Variants in LRRK1 observed in about 807,000 individuals in gnomAD.
The protein encoded by LRRK1 is leucine rich repeat kinase 1, also known as leucine-rich repeat serine/threonine-protein kinase 1.
In LRRK1, 113 loss-of-function variants were observed where a neutral mutation model predicts 209.1. The ratio of observed to expected loss-of-function variants is 0.54; its 90% CI spans 0.46 to 0.63. The LOEUF (loss-of-function observed/expected upper bound fraction) is 0.63, where lower values mean the gene tolerates loss of function less well. Among genes scored for constraint, LRRK1 ranks in the 30% least tolerant of loss-of-function variants. The pLI, the probability that LRRK1 is intolerant of heterozygous loss-of-function variation, is 0.00. For missense variants in LRRK1, 2,284 were observed against 2,632.2 expected (o/e 0.87, Z 2.89); for synonymous variants, 1,144 against 1,099.7 (o/e 1.04, Z -0.80).
chr15:100,975,134 G>A (rs934320703), intron 3 of LRRK1, among the ~76,000 whole-genome samples: 2 of 152,260 alleles, frequency 1.3e-5, no homozygotes, highest in African/African-American at 2.4e-5. Flanking sequence ...CTTCTGCACA[G>A]AGAGAGCTGC....
chr15:101,031,681 T>C (rs1398472073), intron 20 of LRRK1, among the ~76,000 whole-genome samples: 2 of 151,902 alleles, frequency 1.3e-5, no homozygotes, highest in Non-Finnish European at 2.9e-5. Flanking sequence ...CACCAGGCTG[T>C]CCCCCAAGAG....
At chr15:100,960,618 T>C (rs2029880971) in intron 2 of LRRK1, among the ~76,000 whole-genome samples, 1 of 152,198 alleles carries the variant, frequency 6.6e-6, no homozygotes, top group Non-Finnish European at 1.5e-5. Flanking sequence ...GTAAAGGGCA[T>C]GGTTTCTGTT....
chr15:101,014,126 C>T (rs757147455), intron 10 of LRRK1, among the ~76,000 whole-genome samples, 190 bp from the exon 11 acceptor site: 5 of 152,106 alleles, frequency 3.3e-5, no homozygotes, highest in South Asian at 2.1e-4. Flanking sequence ...ATGGCCCCGT[C>T]GCACTGTTTG....
At chr15:100,998,003 A>AC (rs914869867) in intron 6 of LRRK1, among the ~76,000 whole-genome samples, 140 of 151,542 alleles carry the variant, frequency 9.2e-4, no homozygotes, top group Middle Eastern at 3.4e-3. Flanking sequence ...ACATGGTGAA[A>AC]CCCCCCCGTC....
chr15:100,954,341 C>G (rs751007139), intron 2 of LRRK1, among the ~76,000 whole-genome samples: 1 of 63,464 alleles, frequency 1.6e-5, no homozygotes, highest in Non-Finnish European at 3.0e-5. Flanking sequence ...TTTTAAAAAT[C>G]AAGTTATTTA....
intron 24 of LRRK1, among the ~76,000 whole-genome samples, 158 bp from the exon 25 acceptor site, chr15:101,052,764 G>A (rs2035533853): frequency 1.3e-5 from 2 of 152,234 alleles, no homozygotes; most frequent in African/African-American, 2.4e-5. Context: ...ACCCAGGTGT[G>A]CTCACCCACA....
chr15:101,012,195 T>A, intron 10 of LRRK1, 50 bp downstream of exon 10: 1 of 1,469,060 alleles, frequency 6.8e-7, no homozygotes, highest in Non-Finnish European at 9.3e-7. Context: ...GAGAGAAAAT[T>A]GCTCCGTGTT....
intron 20 of LRRK1, among the ~76,000 whole-genome samples, chr15:101,044,717 AAGG>A (rs1444400832): frequency 1.3e-5 from 2 of 152,224 alleles, no homozygotes; most frequent in African/African-American, 4.8e-5. Context: ...ACACTCCGAC[AAGG>A]AGAAGAGCAA....
At chr15:100,941,599 C>T (rs561819498) in intron 2 of LRRK1, among the ~76,000 whole-genome samples, 4 of 152,058 alleles carry the variant, frequency 2.6e-5, no homozygotes, top group Non-Finnish European at 5.9e-5. Context: ...TGCTCTTCCT[C>T]AGATGCTTGC....
intron 28 of LRRK1, among the ~76,000 whole-genome samples, chr15:101,057,343 C>G (rs2035869375): frequency 6.6e-6 from 1 of 152,164 alleles, no homozygotes; most frequent in Non-Finnish European, 1.5e-5. Flanking sequence ...TATGCAAGAA[C>G]AGAGAGAATG....
chr15:100,960,976 C>T (rs943790392), intron 2 of LRRK1, among the ~76,000 whole-genome samples: 3 of 152,160 alleles, frequency 2.0e-5, no homozygotes, highest in Non-Finnish European at 4.4e-5. Context: ...GAATAAGAGT[C>T]TCATGTTTGG....
intron 20 of LRRK1, among the ~76,000 whole-genome samples, chr15:101,030,290 T>C (rs2034224913): frequency 6.6e-6 from 1 of 152,018 alleles, no homozygotes; most frequent in Non-Finnish European, 1.5e-5. Flanking sequence ...GAGAGGACCT[T>C]GCCACCCTCC....
At chr15:100,953,901 G>T (rs1334068286) in intron 2 of LRRK1, among the ~76,000 whole-genome samples, 2 of 148,294 alleles carry the variant, frequency 1.3e-5, no homozygotes, top group South Asian at 2.1e-4. Context: ...AGGTTTTTTT[G>T]TTTGTTTGTT....
At chr15:100,956,949 G>T (rs889364008) in intron 2 of LRRK1, among the ~76,000 whole-genome samples, 1 of 152,110 alleles carries the variant, frequency 6.6e-6, no homozygotes, top group African/African-American at 2.4e-5. Flanking sequence ...TTTCATCTTA[G>T]AACTGCTTTT....
In LRRK1 at chr15:100,972,335, T is replaced by TATGAGA. The variant is rs754464630; in HGVS notation, c.98-1469_98-1468insATGAGA. 7.4e-3 allele frequency among the ~76,000 whole-genome samples: 779 copies of TATGAGA among 105,708 alleles called. 8 individuals carry two copies. Among genetic ancestry groups the TATGAGA allele is most frequent in the African/African-American group, 0.013 (423 of 31,730 alleles). The allele number at this position is 105,708 out of a possible 152,430, so 69.3% of individuals were successfully genotyped here. On this transcript the variant is annotated intron_variant, in intron 2 of 33. Coordinates refer to ENST00000388948, the MANE Select transcript of LRRK1 (RefSeq NM_024652.6). ...AATTTGGGATATATATATATATATA[T>TATGAGA]GAGAGAGAGAGAGAGAGAGAGAGAG...
At chr15:100,944,825 A>G (rs569000808) in intron 2 of LRRK1, among the ~76,000 whole-genome samples, 2 of 152,352 alleles carry the variant, frequency 1.3e-5, no homozygotes, top group East Asian at 3.9e-4. Context: ...ATACGGTCTT[A>G]TGGTTCAAAA....
At chr15:101,060,571 G>A (rs2036109373) in intron 29 of LRRK1, among the ~76,000 whole-genome samples, 1 of 152,232 alleles carries the variant, frequency 6.6e-6, no homozygotes, top group Non-Finnish European at 1.5e-5. Context: ...TTGAGTCTGA[G>A]GGACAGAGCT....
chr15:100,979,625 G>T (rs893811777), intron 3 of LRRK1, among the ~76,000 whole-genome samples: 3 of 152,068 alleles, frequency 2.0e-5, no homozygotes, highest in African/African-American at 7.2e-5. Flanking sequence ...AAATACCTAA[G>T]ACAGTGATTC....
chr15:101,014,303 C>G lies in LRRK1; in HGVS notation c.1420-13C>G, dbSNP rs1003298886. The stretch of plus-strand genomic sequence containing the variant: ...GCTATCTTAGCTTCTCTCTCCCTCC[C>G]TCTCTCTCTCAGGCCCTCATGTTCT... On this transcript the variant is annotated splice_polypyrimidine_tract_variant and intron_variant, in intron 10 of 33. Transcript: ENST00000388948. The G allele has an allele frequency of 2.6e-6, 4 of 1,542,390 alleles. No homozygotes were observed. Among genetic ancestry groups the G allele is most frequent in the Non-Finnish European group, 3.6e-6 (4 of 1,121,830 alleles).
Sources: gnomAD v4.1 joint callset for allele counts (sites outside exome capture counted in the v4.1 genomes callset) on GRCh38, gnomAD v4.1.1 for gene constraint, MANE v1.5 for transcripts, NCBI Gene and HGNC (gene_info 2026-07-23, HGNC 2026-07-21) for gene names.